BBS9: variants seen among roughly 807,000 people sequenced by gnomAD.
The protein encoded by BBS9 is protein PTHB1.
A neutral mutation model predicts 117.7 loss-of-function variants in BBS9; 89 were observed. The ratio of observed to expected loss-of-function variants is 0.76; its 90% CI spans 0.64 to 0.90. The LOEUF (loss-of-function observed/expected upper bound fraction) is 0.90. BBS9 is among the 40% of genes least tolerant of loss of function. The probability of loss-of-function intolerance (pLI) is 0.00; values close to 1 mark genes in which losing one functional copy is unlikely to be tolerated. For missense variants in BBS9, 982 were observed against 1,042.2 expected (o/e 0.94, Z 0.80); for synonymous variants, 379 against 370.9 (o/e 1.02, Z -0.25).
intron 9 of BBS9, among the ~76,000 whole-genome samples, chr7:33,283,705 C>T (rs1802336301): frequency 6.6e-6 from 1 of 152,040 alleles, no homozygotes; most frequent in Admixed American, 6.6e-5. Flanking sequence ...TCATGTCTAC[C>T]CCTTTCCTTT....
At chr7:33,476,431 G>C (rs1192586733) in intron 19 of BBS9, among the ~76,000 whole-genome samples, 1 of 152,206 alleles carries the variant, frequency 6.6e-6, no homozygotes, top group East Asian at 1.9e-4. Flanking sequence ...GAGACTCCAG[G>C]GCAGTAGGAA....
chr7:33,546,202 G>T (rs533944818), intron 21 of BBS9, among the ~76,000 whole-genome samples: 1 of 151,824 alleles, frequency 6.6e-6, no homozygotes, highest in African/African-American at 2.4e-5. Context: ...CAAAGTGCTG[G>T]GATTACAGGG....
intron 20 of BBS9, among the ~76,000 whole-genome samples, chr7:33,507,653 C>T (rs1466703958): frequency 6.6e-6 from 1 of 152,142 alleles, no homozygotes; most frequent in East Asian, 1.9e-4. Context: ...TGCCTGAGCA[C>T]AGAGCAGTCA....
At chr7:33,182,789 A>T (rs1287354194) in intron 5 of BBS9, among the ~76,000 whole-genome samples, 1 of 152,174 alleles carries the variant, frequency 6.6e-6, no homozygotes, top group Non-Finnish European at 1.5e-5. Context: ...CCAGTTTCTA[A>T]GTTTCCCTTT....
intron 21 of BBS9, among the ~76,000 whole-genome samples, chr7:33,566,927 A>G (rs1453477822): frequency 6.6e-6 from 1 of 152,214 alleles, no homozygotes; most frequent in Non-Finnish European, 1.5e-5. Flanking sequence ...CGTAAGAAGA[A>G]TAACTGTATA....
At chr7:33,419,646 T>A (rs1423713846) in intron 19 of BBS9, among the ~76,000 whole-genome samples, 2 of 152,206 alleles carry the variant, frequency 1.3e-5, no homozygotes, top group East Asian at 3.8e-4. Context: ...TTATAGTGAA[T>A]AAATAATAAG....
At chr7:33,303,698 G>A (rs1261934459) in intron 9 of BBS9, among the ~76,000 whole-genome samples, 3 of 151,980 alleles carry the variant, frequency 2.0e-5, no homozygotes, top group African/African-American at 4.8e-5. Context: ...TGGTGGAGAC[G>A]GGGTTTCGCC....
At chr7:33,588,849 G>T (rs948633986) in intron 21 of BBS9, among the ~76,000 whole-genome samples, 3 of 152,110 alleles carry the variant, frequency 2.0e-5, no homozygotes, top group Middle Eastern at 3.2e-3. Flanking sequence ...GTGGGAATGG[G>T]CCTGGTGTGT....
intron 16 of BBS9, 139 bp downstream of exon 16, chr7:33,358,134 C>A: frequency 9.4e-7 from 1 of 1,067,094 alleles, no homozygotes; most frequent in Non-Finnish European, 1.4e-6. Context: ...AGGATTTTTC[C>A]CTCCTTTGCC....
intron 16 of BBS9, among the ~76,000 whole-genome samples, chr7:33,360,697 A>T (rs915966750): frequency 1.3e-5 from 2 of 151,528 alleles, no homozygotes; most frequent in African/African-American, 4.9e-5. Flanking sequence ...ATTAAAAAAA[A>T]ATTATTTTGT....
chr7:33,402,472 TC>T (rs1283767496), intron 19 of BBS9, among the ~76,000 whole-genome samples: 1 of 152,072 alleles, frequency 6.6e-6, no homozygotes, highest in African/African-American at 2.4e-5. Flanking sequence ...ACATCACCAT[TC>T]CCCCAAAAGC....
At chr7:33,420,610 G>A (rs1389791134) in intron 19 of BBS9, among the ~76,000 whole-genome samples, 6 of 152,084 alleles carry the variant, frequency 3.9e-5, no homozygotes, top group Admixed American at 6.6e-5. Flanking sequence ...TAGCATAGCC[G>A]AGAAATCCAC....
chr7:33,310,845 C>T lies in BBS9; in HGVS notation c.1017-25596C>T, dbSNP rs1445959376. Among the ~76,000 whole-genome samples, 7 of 152,178 alleles carry T rather than the reference C, an allele frequency of 4.6e-5. No homozygotes were observed. The South Asian group carries it at 8.3e-4, about 18-fold the overall frequency. On this transcript the variant is annotated intron_variant, in intron 9 of 22. Coordinates refer to ENST00000242067, the MANE Select transcript of BBS9 (RefSeq NM_198428.3). ...AATTCAGCAAGTGCTTATTTAACCC[C>T]CTTCTCTATGCCAGCCACTGTGCTA...
At chr7:33,526,597 A>G (rs1297649404) in intron 20 of BBS9, among the ~76,000 whole-genome samples, 1 of 149,922 alleles carries the variant, frequency 6.7e-6, no homozygotes, top group Non-Finnish European at 1.5e-5. Context: ...TTTCAGCTCC[A>G]TCAGCTCCTT....
intron 20 of BBS9, among the ~76,000 whole-genome samples, chr7:33,531,770 T>A (rs1231428228): frequency 6.6e-6 from 1 of 152,232 alleles, no homozygotes; most frequent in Admixed American, 6.5e-5. Context: ...AGTTTTCTGT[T>A]GGTTACACAT....
rs149115949 is a variant in BBS9, at chr7:33,171,683, G to A, written c.329-5795G>A. On this transcript the variant is annotated intron_variant, in intron 4 of 22. Transcript: ENST00000242067. Reference sequence around the variant, plus strand: ...TGTATCATATAAAAATAACATCAACGTATACAGACAAACTCATGTTTAATA... The same window carrying A: ...TGTATCATATAAAAATAACATCAACATATACAGACAAACTCATGTTTAATA... Among the ~76,000 whole-genome samples the A allele has an allele frequency of 6.2e-3, 948 of 151,698 alleles. 10 individuals carry two copies. Among genetic ancestry groups the A allele is most frequent in the African/African-American group, 0.021 (883 of 41,342 alleles).
intron 5 of BBS9, among the ~76,000 whole-genome samples, chr7:33,200,267 A>C (rs1287575750): frequency 6.6e-6 from 1 of 152,090 alleles, no homozygotes; most frequent in African/African-American, 2.4e-5. Context: ...TCTACATTTT[A>C]TAAAATGAAG....
At chr7:33,325,274 C>T (rs1812601655) in intron 9 of BBS9, among the ~76,000 whole-genome samples, 1 of 152,176 alleles carries the variant, frequency 6.6e-6, no homozygotes, top group African/African-American at 2.4e-5. Flanking sequence ...CACTCTGATG[C>T]ATTCTTCATT....
chr7:33,475,685 C>G (rs559374516), intron 19 of BBS9, among the ~76,000 whole-genome samples: 1 of 152,256 alleles, frequency 6.6e-6, no homozygotes, highest in Non-Finnish European at 1.5e-5. Flanking sequence ...CTCCCTCTCC[C>G]TTAGACATAG....
Sources: gnomAD v4.1 joint callset for allele counts (sites outside exome capture counted in the v4.1 genomes callset) on GRCh38, gnomAD v4.1.1 for gene constraint, MANE v1.5 for transcripts, NCBI Gene and HGNC (gene_info 2026-07-23, HGNC 2026-07-21) for gene names.